The following TBC1D8 variants were observed in gnomAD, a reference collection of about 807,000 sequenced individuals.
TBC1D8 encodes the protein TBC1 domain family member 8.
A neutral mutation model predicts 118.8 loss-of-function variants in TBC1D8; 65 were observed. That is an observed-to-expected ratio of 0.55 (90% confidence interval 0.45 to 0.67). The LOEUF (loss-of-function observed/expected upper bound fraction) is 0.67. Ranked by LOEUF, TBC1D8 falls within the 30% of genes least tolerant of loss-of-function variation. TBC1D8 has a pLI of 0.00. For missense variants in TBC1D8, 1,376 were observed against 1,471.2 expected, an observed-to-expected ratio of 0.94 and a Z score of 1.06; for synonymous variants, 566 against 595.8, an observed-to-expected ratio of 0.95 and a Z score of 0.73.
intron 5 of TBC1D8, among the ~76,000 whole-genome samples, chr2:101,046,977 C>G (rs1395001465): frequency 6.6e-6 from 1 of 152,178 alleles, no homozygotes; most frequent in East Asian, 1.9e-4. Flanking sequence ...CCAAAAAAAA[C>G]AGCCGAATAC....
intron 1 of TBC1D8, among the ~76,000 whole-genome samples, chr2:101,129,583 C>G (rs935628608): frequency 6.6e-6 from 1 of 152,106 alleles, no homozygotes; most frequent in Non-Finnish European, 1.5e-5. Context: ...CCAGGAACAC[C>G]CACATTTCAG....
intron 2 of TBC1D8, among the ~76,000 whole-genome samples, chr2:101,070,695 G>T (rs764589177): frequency 2.0e-5 from 3 of 152,184 alleles, no homozygotes; most frequent in East Asian, 1.9e-4. Flanking sequence ...TTACAGGCGT[G>T]AGCCATCGCG....
chr2:101,052,027 A>ACCTTTCT (rs1682106290), intron 4 of TBC1D8, among the ~76,000 whole-genome samples: 4 of 152,250 alleles, frequency 2.6e-5, no homozygotes, highest in African/African-American at 9.6e-5. Context: ...TACCAAGTTA[A>ACCTTTCT]CAACATATAC....
chr2:101,134,877 G>GA (rs1194214836), intron 1 of TBC1D8, among the ~76,000 whole-genome samples: 8 of 152,144 alleles, frequency 5.3e-5, no homozygotes, highest in African/African-American at 1.7e-4. Context: ...AAACCAAACA[G>GA]AAAAAGCCAT....
intron 1 of TBC1D8, among the ~76,000 whole-genome samples, chr2:101,124,597 T>C (rs1013790): frequency 1.1e-3 from 171 of 152,256 alleles, no homozygotes; most frequent in South Asian, 9.1e-3. Flanking sequence ...TGAGGTCAGT[T>C]AGGGTTATCC....
At chr2:101,073,218 G>C (rs2105438500) in intron 2 of TBC1D8, among the ~76,000 whole-genome samples, 1 of 152,076 alleles carries the variant, frequency 6.6e-6, no homozygotes, top group South Asian at 2.1e-4. Flanking sequence ...TTTCTAGATA[G>C]CATCTTCTTC....
At chr2:101,105,624 A>ATG (rs1677158732) in intron 1 of TBC1D8, among the ~76,000 whole-genome samples, 1 of 150,634 alleles carries the variant, frequency 6.6e-6, no homozygotes, top group South Asian at 2.1e-4. Flanking sequence ...ATATATATAT[A>ATG]GTTGTCCAAC....
At chr2:101,106,407 C>T (rs1255337477) in intron 1 of TBC1D8, among the ~76,000 whole-genome samples, 4 of 152,118 alleles carry the variant, frequency 2.6e-5, no homozygotes, top group Non-Finnish European at 5.9e-5. Flanking sequence ...GGATTTAATG[C>T]AGGATGTGAC....
At chr2:101,111,525 C>T (rs1414563213) in intron 1 of TBC1D8, among the ~76,000 whole-genome samples, 1 of 152,184 alleles carries the variant, frequency 6.6e-6, no homozygotes, top group Non-Finnish European at 1.5e-5. Flanking sequence ...TGCTGGCCCT[C>T]GTTCTCAAGA....
rs186917049 is a variant in TBC1D8 at position 101,043,093 on chromosome 2, C to A, written c.873-2708G>T. On this transcript the variant is annotated intron_variant, in intron 5 of 19. Coordinates refer to ENST00000409318, the MANE Select transcript of TBC1D8 (RefSeq NM_001330348.2). ...AAAAGGAGAAAACACAGAGAAAGTC[C>A]TCTGGACACATACAGAAATTAAATT... Among the ~76,000 whole-genome samples, 6 of 152,326 alleles carry A rather than the reference C, an allele frequency of 3.9e-5. No homozygotes were observed. The East Asian group carries it at 7.7e-4, about 20-fold the overall frequency.
At chr2:101,032,441 T>A in intron 10 of TBC1D8, 56 bp from the exon 11 acceptor site, 1 of 1,495,622 alleles carries the variant, frequency 6.7e-7, no homozygotes, top group East Asian at 2.3e-5. Context: ...GCCACAGAGA[T>A]GTTACAAGCA....
Position 101,040,305 on chromosome 2 carries a change from A to G in TBC1D8, c.953T>C (p.Val318Ala), listed in dbSNP as rs1681302737. 1 of 1,614,036 alleles carries G rather than the reference A, an allele frequency of 6.2e-7. No individual in the cohort carries two copies. Among genetic ancestry groups the G allele is most frequent in the East Asian group, 2.2e-5 (1 of 44,880 alleles). Residue 318 changes from valine to alanine, a missense_variant, in exon 6 of 20, where the codon GTG (valine) becomes GCG (alanine). Transcript: ENST00000409318. ...GAACGGCGTCCAGAGCGAACAGTCCACAACCGCGTGCAGCTTCTCCTTCCT... is the reference window on the plus strand; with the variant it reads ...GAACGGCGTCCAGAGCGAACAGTCCGCAACCGCGTGCAGCTTCTCCTTCCT... ...LPRKEKLHAV[V>A]DCSLWTPFSR...
intron 18 of TBC1D8, 72 bp from the exon 19 acceptor site, chr2:101,011,098 G>A: frequency 1.4e-6 from 2 of 1,419,678 alleles, no homozygotes; most frequent in Admixed American, 3.5e-5. Context: ...AAACTATGTA[G>A]GAGAGAGGAG....
intron 1 of TBC1D8, among the ~76,000 whole-genome samples, chr2:101,129,877 C>G (rs1168104223): frequency 1.3e-5 from 2 of 151,418 alleles, no homozygotes; most frequent in Non-Finnish European, 2.9e-5. Flanking sequence ...TGCACTCCAG[C>G]CTGGGCAACA....
rs754670770 is a variant in TBC1D8 at position 101,038,550 on chromosome 2, C to G, written c.1186G>C (p.Asp396His). ...GCAAGCAGCGCCTCCACCAGGCTGTCTCGGTCCCGGAGCTCAATGAACTGG... is the reference window on the plus strand; with the variant it reads ...GCAAGCAGCGCCTCCACCAGGCTGTGTCGGTCCCGGAGCTCAATGAACTGG... ...AFQFIELRDR[D>H]SLVEALLARL... The change falls in exon 7 of 20, where the codon GAC (aspartate) becomes CAC (histidine). Residue 396 changes from aspartate (D) to histidine (H), a missense_variant. Asp to His is a moderately conservative substitution (Grantham distance 81, BLOSUM62 -1). Transcript: ENST00000409318. The G allele has an allele frequency of 1.2e-6, 2 of 1,613,936 alleles. No homozygotes were observed. The highest frequency in any genetic ancestry group is 1.7e-6 in the Non-Finnish European group (2 of 1,179,908).
chr2:101,037,886 C>T (rs1681124213), intron 7 of TBC1D8, among the ~76,000 whole-genome samples, 178 bp from the exon 8 acceptor site: 1 of 152,148 alleles, frequency 6.6e-6, no homozygotes. Context: ...CACAGTCCCA[C>T]TGCATGCTCC....
intron 1 of TBC1D8, among the ~76,000 whole-genome samples, chr2:101,145,249 A>G (rs2104285859): frequency 6.6e-6 from 1 of 152,372 alleles, no homozygotes; most frequent in Admixed American, 6.5e-5. Flanking sequence ...AACTCTTGGA[A>G]ACCTCAAGGC....
In TBC1D8 at chr2:101,007,714, C is replaced by T. The variant is rs540878652; in HGVS notation, c.*107G>A. The T allele has an allele frequency of 4.3e-6, 5 of 1,151,898 alleles. No homozygotes were observed. Among genetic ancestry groups the T allele is most frequent in the African/African-American group, 3.1e-5 (2 of 64,636 alleles). The allele number at this position is 1,151,898 out of a possible 1,614,324, so 71.4% of individuals were successfully genotyped here. On this transcript the variant is annotated 3_prime_UTR_variant, in exon 20 of 20. Transcript: ENST00000409318. ...TTGTCAGGTTGTTTAGCCAGATGCCCCATTGGTAAGGTAGACTGAAATCTC... is the reference window on the plus strand; with the variant it reads ...TTGTCAGGTTGTTTAGCCAGATGCCTCATTGGTAAGGTAGACTGAAATCTC...
intron 10 of TBC1D8, chr2:101,032,638 GT>G (rs1210241585): frequency 2.3e-6 from 1 of 431,124 alleles, no homozygotes; most frequent in African/African-American, 2.0e-5. Context: ...TTTAGCTGTG[GT>G]GCAAGTCTTA....
Sources: gnomAD v4.1 joint callset for allele counts (sites outside exome capture counted in the v4.1 genomes callset) on GRCh38, gnomAD v4.1.1 for gene constraint, MANE v1.5 for transcripts, NCBI Gene and HGNC (gene_info 2026-07-23, HGNC 2026-07-21) for gene names.